BTBD2: variants seen among roughly 807,000 people sequenced by gnomAD.
BTBD2 encodes BTB/POZ domain-containing protein 2.
Under a neutral mutation model 44.0 loss-of-function variants are expected in BTBD2, and 15 were observed. That is an observed-to-expected ratio of 0.34 (90% CI 0.23 to 0.53). BTBD2 has a LOEUF of 0.53. BTBD2 is among the 20% of genes least tolerant of loss of function. BTBD2 has a pLI of 0.95. For missense variants in BTBD2, 657 were observed against 746.4 expected, an observed-to-expected ratio of 0.88 and a Z score of 1.39; for synonymous variants, 443 against 335.9, an observed-to-expected ratio of 1.32 and a Z score of -3.49.
At chr19:2,010,100 G>C (rs57968534) in intron 1 of BTBD2, among the ~76,000 whole-genome samples, 1 of 152,132 alleles carries the variant, frequency 6.6e-6, no homozygotes, top group African/African-American at 2.4e-5. Context: ...TGCAGTGAGC[G>C]GAGATCGCGC....
chr19:1,989,875 C>CCTAT (rs1164181735), intron 5 of BTBD2, 129 bp downstream of exon 5: 9 of 1,093,340 alleles, frequency 8.2e-6, no homozygotes, highest in South Asian at 1.5e-5. Context: ...CAGGTTTCTT[C>CCTAT]CTATCTGTAT....
chr19:2,006,173 A>G (rs1438086927), intron 1 of BTBD2, among the ~76,000 whole-genome samples: 1 of 152,070 alleles, frequency 6.6e-6, no homozygotes, highest in East Asian at 1.9e-4. Context: ...TTAAATCTAT[A>G]TCCAAATTCA....
Position 1,986,632 on chromosome 19 carries a change from G to A in BTBD2, c.1434C>T (p.Tyr478=), listed in dbSNP as rs552681241. The A allele has an allele frequency of 9.5e-5, 153 of 1,613,814 alleles. No homozygotes were observed. Among genetic ancestry groups the A allele is most frequent in the Admixed American group, 8.7e-4 (52 of 60,018 alleles). ...TCACCTTGCGCAGGCCTTTGGTGCCGTAGTGGGAGTCTGGGCCCTGTAGGG... is the reference window on the plus strand; with the variant it reads ...TCACCTTGCGCAGGCCTTTGGTGCCATAGTGGGAGTCTGGGCCCTGTAGGG... The part of the protein sequence containing the change: ...CATLKGPDSH[Y]GTKGLRKVTH... Residue 478 remains tyrosine, a synonymous_variant, in exon 9 of 9, where the codon TAC becomes TAT. Transcript: ENST00000255608.
At chr19:1,996,333 C>CA (rs1369482399) in intron 2 of BTBD2, among the ~76,000 whole-genome samples, 1 of 151,620 alleles carries the variant, frequency 6.6e-6, no homozygotes, top group Non-Finnish European at 1.5e-5. Flanking sequence ...TCTATTTTTG[C>CA]AAAAAACAGT....
intron 2 of BTBD2, among the ~76,000 whole-genome samples, chr19:1,994,023 AAAAAGCAGCACAGGCCGGC>A (rs2016218154): frequency 6.9e-6 from 1 of 144,856 alleles, no homozygotes; most frequent in Non-Finnish European, 1.5e-5. Flanking sequence ...AAAAAAAAAA[AAAAAGCAGCACAGGCCGGC>A]CTGGTGGTTC....
In BTBD2 at chr19:1,985,660, T is replaced by A. The variant is rs1204910852; in HGVS notation, c.*828A>T. Reference sequence around the variant, plus strand: ...CACCAGGTGGGCTAGGGCAACAGTATGTACAGGCGAGCAGTGCTCCTGGAC... The same window carrying A: ...CACCAGGTGGGCTAGGGCAACAGTAAGTACAGGCGAGCAGTGCTCCTGGAC... On this transcript the variant is annotated 3_prime_UTR_variant, in exon 9 of 9. Transcript: ENST00000255608. The A allele has an allele frequency of 6.6e-6, 1 of 152,198 alleles. No individual in the cohort carries two copies. Among genetic ancestry groups the A allele is most frequent in the Non-Finnish European group, 1.5e-5 (1 of 68,068 alleles). 9.4% of individuals were successfully genotyped at this position (152,198 alleles called of 1,614,324 possible).
chr19:1,987,410 C>G (rs1196406286), intron 6 of BTBD2, 90 bp downstream of exon 6: 3 of 1,139,776 alleles, frequency 2.6e-6, no homozygotes, highest in African/African-American at 3.3e-5. Context: ...TCCCTGAGTT[C>G]TCCACCCCCA....
At chr19:1,990,423 A>G (rs1313160788) in intron 4 of BTBD2, 1 of 621,828 alleles carries the variant, frequency 1.6e-6, no homozygotes, top group Non-Finnish European at 2.8e-6. Flanking sequence ...CCACAAGGAC[A>G]GACTTGAGTA....
chr19:1,997,691 G>A (rs554064263), intron 1 of BTBD2, among the ~76,000 whole-genome samples: 70 of 152,208 alleles, frequency 4.6e-4, no homozygotes, highest in Non-Finnish European at 8.8e-4. Flanking sequence ...ACCATGCCCT[G>A]GGCCACACAG....
At chr19:1,999,088 C>G (rs1421928152) in intron 1 of BTBD2, among the ~76,000 whole-genome samples, 1 of 152,128 alleles carries the variant, frequency 6.6e-6, no homozygotes, top group Admixed American at 6.6e-5. Flanking sequence ...CCCGGGAAAG[C>G]CCCCGTCTTC....
chr19:2,000,248 C>T (rs1010363211), intron 1 of BTBD2, among the ~76,000 whole-genome samples: 2 of 152,034 alleles, frequency 1.3e-5, no homozygotes, highest in African/African-American at 2.4e-5. Flanking sequence ...CTCCTGGCCG[C>T]GTCCTCAAGG....
At chr19:1,989,693 T>C (rs2016145060) in intron 5 of BTBD2, 1 of 418,628 alleles carries the variant, frequency 2.4e-6, no homozygotes, top group Non-Finnish European at 4.5e-6. Flanking sequence ...CAGACACTGG[T>C]ACCTGCACCA....
At chr19:2,007,875 G>T (rs148753145) in intron 1 of BTBD2, among the ~76,000 whole-genome samples, 5 of 152,236 alleles carry the variant, frequency 3.3e-5, no homozygotes, top group African/African-American at 1.2e-4. Flanking sequence ...TAAGGAAGGA[G>T]ATGTTTTTCT....
At chr19:1,991,305 T>C in intron 3 of BTBD2, 1 of 162,520 alleles carries the variant, frequency 6.2e-6, no homozygotes, top group Admixed American at 6.1e-5. Flanking sequence ...CTTCTGACAG[T>C]CAGGTGACAG....
chr19:1,989,809 G>C (rs768050677), intron 5 of BTBD2, 195 bp downstream of exon 5: 12 of 630,208 alleles, frequency 1.9e-5, no homozygotes, highest in Non-Finnish European at 3.0e-5. Context: ...TGTGCACGGT[G>C]GGGACAGAGC....
Position 1,997,364 on chromosome 19 carries a change from A to T in BTBD2, c.507T>A (p.Ala169=), listed in dbSNP as rs1610045. 18 of 1,613,806 alleles carry T rather than the reference A, an allele frequency of 1.1e-5. No homozygotes were observed. The highest frequency in any genetic ancestry group is 1.5e-5 in the Non-Finnish European group (18 of 1,179,988). The change falls in exon 2 of 9, where the codon GCT becomes GCA. Residue 169 remains alanine, a synonymous_variant. Coordinates refer to ENST00000255608, the MANE Select transcript of BTBD2 (RefSeq NM_017797.4). ...TEIELPDVEP[A]AFLALLKFLY... ...ATTACTTGAGCAGTGCGAGGAAGGC[A>T]GCGGGTTCCACGTCGGGCAGCTCAA...
intron 2 of BTBD2, among the ~76,000 whole-genome samples, chr19:1,995,848 G>A (rs1466552499): frequency 1.3e-5 from 2 of 151,612 alleles, no homozygotes; most frequent in African/African-American, 4.8e-5. Context: ...ATAGAGACGA[G>A]GTTTCACCAT....
intron 1 of BTBD2, among the ~76,000 whole-genome samples, chr19:1,997,669 G>C (rs974552953): frequency 1.3e-5 from 2 of 152,226 alleles, no homozygotes; most frequent in African/African-American, 4.8e-5. Flanking sequence ...GGCAAGGACA[G>C]GCAGGGCTAG....
intron 1 of BTBD2, among the ~76,000 whole-genome samples, chr19:2,007,445 G>A (rs1334563951): frequency 6.6e-6 from 1 of 152,100 alleles, no homozygotes; most frequent in Non-Finnish European, 1.5e-5. Flanking sequence ...GAATTTGCTG[G>A]CACCTGTGTC....
Sources: gnomAD v4.1 joint callset for allele counts (sites outside exome capture counted in the v4.1 genomes callset) on GRCh38, gnomAD v4.1.1 for gene constraint, MANE v1.5 for transcripts, NCBI Gene and HGNC (gene_info 2026-07-23, HGNC 2026-07-21) for gene names.